MKLN1: variants seen among roughly 807,000 people sequenced by gnomAD.
MKLN1 encodes muskelin.
In MKLN1, 18 loss-of-function variants were observed where a neutral mutation model predicts 99.0. The ratio of observed to expected loss-of-function variants is 0.18; its 90% CI spans 0.13 to 0.27. The LOEUF (loss-of-function observed/expected upper bound fraction) is 0.27, where lower values mean the gene tolerates loss of function less well. Among genes scored for constraint, MKLN1 ranks in the 10% least tolerant of loss-of-function variants. The probability of loss-of-function intolerance (pLI) is 1.00; values close to 1 mark genes in which losing one functional copy is unlikely to be tolerated. For missense variants in MKLN1, 621 were observed against 875.9 expected (o/e 0.71, Z 3.67); for synonymous variants, 288 against 293.2 (o/e 0.98, Z 0.18).
intron 3 of MKLN1, among the ~76,000 whole-genome samples, chr7:131,281,294 G>A (rs1030363350): frequency 2.6e-5 from 4 of 151,670 alleles, no homozygotes; most frequent in South Asian, 4.2e-4. Context: ...TTGAAAAAAC[G>A]GTTCTTTCCC....
intron 3 of MKLN1, among the ~76,000 whole-genome samples, chr7:131,230,900 C>T (rs1797231563): frequency 6.6e-6 from 1 of 151,990 alleles, no homozygotes; most frequent in Non-Finnish European, 1.5e-5. Flanking sequence ...GCAGATGGAT[C>T]ACTTGAGGTC....
intron 3 of MKLN1, among the ~76,000 whole-genome samples, chr7:131,235,011 C>T (rs1797297466): frequency 1.3e-5 from 2 of 152,308 alleles, no homozygotes; most frequent in South Asian, 2.1e-4. Flanking sequence ...TTAAGGAACT[C>T]AAGAATCTAA....
At chr7:131,427,124 T>G (rs1343431184) in intron 8 of MKLN1, among the ~76,000 whole-genome samples, 1 of 152,198 alleles carries the variant, frequency 6.6e-6, no homozygotes, top group Admixed American at 6.5e-5. Context: ...GTACTAGAAC[T>G]CAGTCCTGCT....
intron 2 of MKLN1, among the ~76,000 whole-genome samples, chr7:131,149,793 C>T (rs1240476914): frequency 6.6e-6 from 1 of 152,120 alleles, no homozygotes; most frequent in Non-Finnish European, 1.5e-5. Flanking sequence ...AACTTTGAGT[C>T]CATTGGGATG....
intron 1 of MKLN1, among the ~76,000 whole-genome samples, chr7:131,132,820 T>C (rs1584780848): frequency 6.7e-6 from 1 of 148,480 alleles, no homozygotes; most frequent in Admixed American, 6.9e-5. Context: ...CAGTTACTCA[T>C]GAGGCTGAGG....
chr7:131,488,327 C>T lies in MKLN1; in HGVS notation c.*599C>T, dbSNP rs998794343. 6.6e-6 allele frequency: 1 copy of T among 151,992 alleles called. No homozygotes were observed. The highest frequency in any genetic ancestry group is 2.4e-5 in the African/African-American group (1 of 41,366). 9.4% of individuals were successfully genotyped at this position (151,992 alleles called of 1,614,324 possible). On this transcript the variant is annotated 3_prime_UTR_variant, in exon 18 of 18. Coordinates refer to ENST00000352689, the MANE Select transcript of MKLN1 (RefSeq NM_013255.5). ...GTCTTGTGTTACATTAAACAGTAGG[C>T]AGAACTGAGGTCTCAAGTTTGCACT...
chr7:131,232,072 T>A (rs924462785), intron 3 of MKLN1, among the ~76,000 whole-genome samples: 3 of 152,158 alleles, frequency 2.0e-5, no homozygotes, highest in Non-Finnish European at 4.4e-5. Context: ...TACATCATAT[T>A]TTATTTATTT....
chr7:131,441,659 A>G (rs1240771110), intron 10 of MKLN1, among the ~76,000 whole-genome samples: 3 of 152,214 alleles, frequency 2.0e-5, no homozygotes, highest in Admixed American at 6.5e-5. Flanking sequence ...TTAAACTGGT[A>G]TGCTAGGAAG....
chr7:131,445,588 T>A (rs1025137015), intron 11 of MKLN1, among the ~76,000 whole-genome samples, 186 bp from the exon 12 acceptor site: 29 of 152,158 alleles, frequency 1.9e-4, no homozygotes, highest in African/African-American at 6.8e-4. Flanking sequence ...TTTAACAGGA[T>A]GTCCTAGAGA....
At chr7:131,311,067 T>C (rs981674645) in intron 3 of MKLN1, 6 of 152,042 alleles carry the variant, frequency 3.9e-5, no homozygotes, top group Non-Finnish European at 7.4e-5. Context: ...TCACATGTAA[T>C]TAATTCGTGT....
intron 1 of MKLN1, among the ~76,000 whole-genome samples, 161 bp from the exon 2 acceptor site, chr7:131,375,263 C>A (rs941893337): frequency 2.0e-5 from 3 of 152,110 alleles, no homozygotes; most frequent in Non-Finnish European, 4.4e-5. Context: ...AATCTTATAT[C>A]TACTAGAAGC....
At chr7:131,381,949 G>A (rs935193860) in intron 2 of MKLN1, among the ~76,000 whole-genome samples, 1 of 152,110 alleles carries the variant, frequency 6.6e-6, no homozygotes, top group Non-Finnish European at 1.5e-5. Context: ...AATAATAGTA[G>A]GATCTTGTTA....
At position 131,463,484 on chromosome 7, in the gene MKLN1, TC is replaced by T. The variant is rs967855089; in HGVS notation, c.1673+121del. ...ATTTGTGACATTGTATATTTAAAAG[TC>T]AGTATTGGAAAAAAATCAATATCGG... On this transcript the variant is annotated intron_variant, in intron 13 of 17. Transcript: ENST00000352689. 2.8e-6 allele frequency: 3 copies of T among 1,071,194 alleles called. No individual in the cohort carries two copies. The African/African-American group carries it at 4.8e-5, about 17-fold the overall frequency. 66.4% of individuals were successfully genotyped at this position (1,071,194 alleles called of 1,614,324 possible). A position where few individuals can be genotyped will look rare whatever the true frequency, so the allele number is the denominator to read the frequency against.
chr7:131,173,653 A>G (rs1796248124), intron 2 of MKLN1, among the ~76,000 whole-genome samples: 1 of 152,178 alleles, frequency 6.6e-6, no homozygotes, highest in African/African-American at 2.4e-5. Flanking sequence ...CAGGAGGTGG[A>G]GGTTGCAGTG....
chr7:131,356,152 C>T lies in MKLN1; in HGVS notation c.99-19272C>T, dbSNP rs201211745. ...GGGCCAAGCAAGCGACTTGAGAAACCGGCAGCTTGACCTCTTGACTTGGGA... is the reference window on the plus strand; with the variant it reads ...GGGCCAAGCAAGCGACTTGAGAAACTGGCAGCTTGACCTCTTGACTTGGGA... On this transcript the variant is annotated intron_variant, in intron 1 of 17. Transcript: ENST00000352689. Among the ~76,000 whole-genome samples, 61 of 151,130 alleles carry T rather than the reference C, an allele frequency of 4.0e-4. No homozygotes were observed. In the East Asian group the frequency reaches 6.1e-3, roughly 15 times the overall value.
At chr7:131,142,396 G>A (rs1488443010) in intron 1 of MKLN1, among the ~76,000 whole-genome samples, 1 of 147,310 alleles carries the variant, frequency 6.8e-6, no homozygotes, top group African/African-American at 2.5e-5. Flanking sequence ...GGGTGACAGA[G>A]CGAGACTCCA....
intron 10 of MKLN1, among the ~76,000 whole-genome samples, chr7:131,438,285 T>G (rs1198454891): frequency 6.6e-6 from 1 of 151,956 alleles, no homozygotes; most frequent in African/African-American, 2.4e-5. Context: ...AGTTTTATAA[T>G]ACATATGCAT....
Position 131,385,960 on chromosome 7 carries a change from G to A in MKLN1, c.169-1160G>A, listed in dbSNP as rs150066039. Among the ~76,000 whole-genome samples the A allele has an allele frequency of 4.0e-5, 6 of 150,274 alleles. No individual in the cohort carries two copies. In the East Asian group the frequency reaches 5.8e-4, roughly 15 times the overall value. The stretch of plus-strand genomic sequence containing the variant: ...AATCCAGAGTCATGAAGATTTGCCC[G>A]TAGTTTTTGTCTAAGATGTTTAAAG... On this transcript the variant is annotated intron_variant, in intron 2 of 17. Coordinates refer to ENST00000352689, the MANE Select transcript of MKLN1 (RefSeq NM_013255.5).
intron 1 of MKLN1, among the ~76,000 whole-genome samples, chr7:131,374,642 C>T (rs1331041721): frequency 1.3e-5 from 2 of 152,134 alleles, no homozygotes; most frequent in Non-Finnish European, 2.9e-5. Context: ...GTATATAGCT[C>T]TGCTTGCCTT....
Sources: gnomAD v4.1 joint callset for allele counts (sites outside exome capture counted in the v4.1 genomes callset) on GRCh38, gnomAD v4.1.1 for gene constraint, MANE v1.5 for transcripts, NCBI Gene and HGNC (gene_info 2026-07-23, HGNC 2026-07-21) for gene names.